Variants in C9orf72 observed in about 807,000 individuals in gnomAD.
The protein encoded by C9orf72 is guanine nucleotide exchange factor C9orf72.
A neutral mutation model predicts 51.6 loss-of-function variants in C9orf72; 44 were observed. That is an observed-to-expected ratio of 0.85 (90% CI 0.67 to 1.10). The LOEUF (loss-of-function observed/expected upper bound fraction) is 1.10, where lower values mean the gene tolerates loss of function less well. Ranked by LOEUF, C9orf72 falls within the 50% of genes least tolerant of loss-of-function variation. The pLI is 0.00. For synonymous variants in C9orf72, 213 were observed against 194.2 expected, an observed-to-expected ratio of 1.10 and a Z score of -0.81; for missense variants, 607 against 570.6, an observed-to-expected ratio of 1.06 and a Z score of -0.65.
rs1819636046 is a variant in C9orf72, at chr9:27,573,445, C to T, written c.-59G>A. 6.6e-6 allele frequency: 1 copy of T among 150,900 alleles called. No individual in the cohort carries two copies. Among genetic ancestry groups the T allele is most frequent in the Non-Finnish European group, 1.5e-5 (1 of 67,398 alleles). The allele number at this position is 150,900 out of a possible 1,614,324, so 9.3% of individuals were successfully genotyped here. A position where few individuals can be genotyped will look rare whatever the true frequency, so the allele number is the denominator to read the frequency against. ...TCCTCACTCACCCACTCGCCACCGCCTGCGCCTCCGCCGCCGCGGGCGCAG... is the reference window on the plus strand; with the variant it reads ...TCCTCACTCACCCACTCGCCACCGCTTGCGCCTCCGCCGCCGCGGGCGCAG... On this transcript the variant is annotated 5_prime_UTR_variant, in exon 1 of 11. Transcript: ENST00000380003.
chr9:27,552,163 G>GCC (rs1229182414), intron 8 of C9orf72, among the ~76,000 whole-genome samples: 13 of 152,116 alleles, frequency 8.5e-5, no homozygotes, highest in African/African-American at 3.1e-4. Flanking sequence ...GATTGCTCTG[G>GCC]CTAGGACTTC....
At chr9:27,560,204 T>C (rs1819304461) in intron 6 of C9orf72, 23 bp downstream of exon 6, 1 of 1,485,498 alleles carries the variant, frequency 6.7e-7, no homozygotes, top group African/African-American at 1.4e-5. Context: ...TCAAATCATT[T>C]GCTAGATTAT....
chr9:27,557,684 A>G (rs1819238175), intron 7 of C9orf72, among the ~76,000 whole-genome samples: 1 of 152,260 alleles, frequency 6.6e-6, no homozygotes, highest in East Asian at 1.9e-4. Context: ...ACAGATATGT[A>G]TAACTCAAAT....
At chr9:27,572,062 A>G (rs1488122737) in intron 1 of C9orf72, among the ~76,000 whole-genome samples, 2 of 152,204 alleles carry the variant, frequency 1.3e-5, no homozygotes, top group Non-Finnish European at 2.9e-5. Flanking sequence ...GACTTGAAAA[A>G]CAGAAGTCCT....
chr9:27,562,398 C>G lies in C9orf72; in HGVS notation c.583G>C (p.Val195Leu). 1 of 1,581,598 alleles carries G rather than the reference C, an allele frequency of 6.3e-7. No homozygotes were observed. Among genetic ancestry groups the G allele is most frequent in the South Asian group, 1.1e-5 (1 of 87,032 alleles). ...ELLSSMKSHSVPEEIDIADTV... is the reference protein window; with the variant it reads ...ELLSSMKSHSLPEEIDIADTV... ...AAACTTACATCTATTTCTTCAGGAA[C>G]ACTGTGTGATTTCATAGATGAAAGC... The change falls in exon 4 of 11, where the codon GTT becomes CTT. Residue 195 changes from valine (V) to leucine (L), a missense_variant. Coordinates refer to ENST00000380003, the MANE Select transcript of C9orf72 (RefSeq NM_018325.5).
At chr9:27,571,565 C>T (rs1030223046) in intron 1 of C9orf72, among the ~76,000 whole-genome samples, 3 of 152,118 alleles carry the variant, frequency 2.0e-5, no homozygotes, top group African/African-American at 7.2e-5. Context: ...AAATGACCCT[C>T]CTGCCTCAGC....
upstream of C9orf72, chr9:27,573,832 A>AC (rs886063847): frequency 3.3e-5 from 5 of 151,922 alleles, no homozygotes; most frequent in Non-Finnish European, 7.4e-5. Context: ...TGTTTGACGC[A>AC]CCTCTCTTTC....
intron 3 of C9orf72, among the ~76,000 whole-genome samples, chr9:27,563,063 T>C (rs1819389382): frequency 6.6e-6 from 1 of 152,148 alleles, no homozygotes; most frequent in African/African-American, 2.4e-5. Context: ...TCAATATATT[T>C]CATATTTAAA....
chr9:27,558,420 G>A, intron 7 of C9orf72, 71 bp downstream of exon 7: 4 of 826,408 alleles, frequency 4.8e-6, no homozygotes, highest in South Asian at 4.3e-5. Context: ...TAATATTTAA[G>A]ATTTGTCTAT....
chr9:27,566,872 C>A lies in C9orf72; in HGVS notation c.249G>T (p.Lys83Asn). ...CTCCCTTTTCAGACAAGACAAAAAA[C>A]TTTACATCTATAGCACCACTCTCTG... ...RNAESGAIDV[K>N]FFVLSEKGVI... The change falls in exon 2 of 11, where the codon AAG (lysine) becomes AAT (asparagine). Residue 83 changes from lysine (K) to asparagine (N), a missense_variant. Physicochemically the swap from Lys to Asn is moderately conservative, Grantham distance 94. Transcript: ENST00000380003. The A allele has an allele frequency of 6.2e-7, 1 of 1,613,962 alleles. No individual in the cohort carries two copies.
rs753959942 is a variant in C9orf72, at chr9:27,561,636, A to T, written c.614T>A (p.Val205Glu). The change falls in exon 5 of 11, where the codon GTA becomes GAA. Residue 205 changes from valine to glutamate, a missense_variant. By Grantham distance (121) the Val-to-Glu change is moderately radical. Transcript: ENST00000380003. ...VPEEIDIADT[V>E]LNDDDIGDSC... is the part of the protein sequence containing the mutation. The stretch of plus-strand genomic sequence containing the variant: ...GTCACCAATATCATCATCATTGAGT[A>T]CTGTATCAGCTATCTAAAATGCATC... 2 of 1,603,162 alleles carry T rather than the reference A, an allele frequency of 1.2e-6. No individual in the cohort carries two copies. The highest frequency in any genetic ancestry group is 2.2e-5 in the South Asian group (2 of 90,338).
upstream of C9orf72, chr9:27,573,515 C>T (rs1266040711): frequency 8.6e-6 from 1 of 116,154 alleles, no homozygotes; most frequent in East Asian, 2.7e-4. Flanking sequence ...CCGGGCCCGC[C>T]CCGACCACGC....
At chr9:27,560,360 A>C (rs1388065973) in intron 5 of C9orf72, 61 bp from the exon 6 acceptor site, 4 of 1,356,144 alleles carry the variant, frequency 2.9e-6, no homozygotes, top group Middle Eastern at 1.9e-4. Context: ...CAAACTAAAA[A>C]CAAAAAAAAG....
chr9:27,564,033 C>T (rs551777564), intron 3 of C9orf72, among the ~76,000 whole-genome samples: 3 of 151,886 alleles, frequency 2.0e-5, no homozygotes, highest in Admixed American at 1.3e-4. Context: ...TCCTCCTTTT[C>T]GGGAAGAATA....
rs781403258 is a variant in C9orf72 at position 27,567,140 on chromosome 9, C to G, written c.-20G>C. 6.2e-7 allele frequency: 1 copy of G among 1,600,510 alleles called. No individual in the cohort carries two copies. Among genetic ancestry groups the G allele is most frequent in the Admixed American group, 1.7e-5 (1 of 59,792 alleles). On this transcript the variant is annotated 5_prime_UTR_variant, in exon 2 of 11. It removes an upstream start codon present in the reference 5' UTR. Transcript: ENST00000380003. ...CGACATCACTGCATTCCAACTGTCA[C>G]ATTATCCAAATGCTCCGGAGATATC...
Position 27,546,819 on chromosome 9 carries a change from TCAAGCTGTCCACATC to T in C9orf72, c.*1402_*1416del, listed in dbSNP as rs2131525059. On this transcript the variant is annotated 3_prime_UTR_variant, in exon 11 of 11. Transcript: ENST00000380003. ...TCTAGTTCAGTGGTTGTCTAAAACA[TCAAGCTGTCCACATC>T]TTTCTGATTCATGATGGGAAAGCTA... 6.6e-6 allele frequency: 1 copy of T among 152,296 alleles called. No homozygotes were observed. The highest frequency in any genetic ancestry group is 1.5e-5 in the Non-Finnish European group (1 of 68,016). 9.4% of individuals were successfully genotyped at this position (152,296 alleles called of 1,614,324 possible). A position where few individuals can be genotyped will look rare whatever the true frequency, so the allele number is the denominator to read the frequency against.
At chr9:27,558,724 G>A (rs773595062) in intron 6 of C9orf72, 117 bp from the exon 7 acceptor site, 6 of 576,472 alleles carry the variant, frequency 1.0e-5, no homozygotes, top group Admixed American at 6.7e-5. Context: ...TAAGAAATAA[G>A]TATTCTTTAG....
chr9:27,560,063 C>A, intron 6 of C9orf72, 164 bp downstream of exon 6: 1 of 402,866 alleles, frequency 2.5e-6, no homozygotes, highest in Non-Finnish European at 4.6e-6. Context: ...CAGTTTATTT[C>A]AAACTCACTG....
chr9:27,572,636 C>CCCCTCCTGGGAAAGTGCAGGACCT (rs60242496), intron 1 of C9orf72, among the ~76,000 whole-genome samples: 83 of 152,096 alleles, frequency 5.5e-4, no homozygotes, highest in African/African-American at 2.0e-3. Context: ...GAAAGGGCCA[C>CCCCTCCTGGGAAAGTGCAGGACCT]CCCTCCTGGG....
Sources: allele counts gnomAD v4.1 joint callset (sites outside exome capture counted in the v4.1 genomes callset), GRCh38; gene constraint gnomAD v4.1.1; transcripts MANE v1.5; gene names NCBI Gene and HGNC (gene_info 2026-07-23, HGNC 2026-07-21).